XKRX: variants seen among roughly 807,000 people sequenced by gnomAD.
The protein encoded by XKRX is XK-related protein 2.
Under a neutral mutation model 22.4 loss-of-function variants are expected in XKRX, and 11 were observed. The ratio of observed to expected loss-of-function variants is 0.49; its 90% CI spans 0.31 to 0.81. The LOEUF is 0.81. XKRX is among the 40% of genes least tolerant of loss of function. The probability of loss-of-function intolerance (pLI) is 0.05; values close to 1 mark genes in which losing one functional copy is unlikely to be tolerated. For synonymous variants in XKRX, 114 were observed against 132.2 expected (o/e 0.86, Z 0.94); for missense variants, 320 against 336.5 (o/e 0.95, Z 0.38).
the XKRX span, among the ~76,000 whole-genome samples, chrX:100,898,786 AATCTACAAGGCTTGG>A: frequency 6.4e-5 from 7 of 109,858 alleles, no homozygotes; most frequent in East Asian, 2.0e-3. Flanking sequence ...AAAAAGAGCC[AATCTACAAGGCTTGG>A]AAGAGCATTA....
rs745405207 is a variant in XKRX at position 100,917,634 on chromosome X, G to GAAGAAAGAAAGAAAGA, written c.605-2567_605-2552dup. Among the ~76,000 whole-genome samples, 81 of 49,026 alleles carry GAAGAAAGAAAGAAAGA rather than the reference G, an allele frequency of 1.7e-3. 2 individuals are homozygous for GAAGAAAGAAAGAAAGA. The highest frequency in any genetic ancestry group is 7.2e-3 in the African/African-American group (65 of 9,001). The allele number at this position is 49,026 out of a possible 115,157, so 42.6% of individuals were successfully genotyped here. On this transcript the variant is annotated intron_variant, in intron 2 of 2. Transcript: ENST00000372956. ...AAAGAGAGAAAGAAAGAGAAAGAAA[G>GAAGAAAGAAAGAAAGA]AAGAAAGAAAGAAAGAAAGAAAGAA... is the stretch of plus-strand genomic sequence containing the variant.
At chrX:100,900,827 T>C in the XKRX span, among the ~76,000 whole-genome samples, 1 of 100,924 alleles carries the variant, frequency 9.9e-6, no homozygotes, top group African/African-American at 3.7e-5. Flanking sequence ...TCTTGTTCTG[T>C]CGCCTAGGCT....
the XKRX span, among the ~76,000 whole-genome samples, chrX:100,945,247 TACAC>T: frequency 0.022 from 1,243 of 55,316 alleles, 13 homozygotes; most frequent in African/African-American, 0.054. Flanking sequence ...ACCTGGGTGA[TACAC>T]ACACACACAC....
the XKRX span, among the ~76,000 whole-genome samples, chrX:100,942,576 C>A: frequency 8.9e-6 from 1 of 111,840 alleles, no homozygotes; most frequent in Non-Finnish European, 1.9e-5. Context: ...TTATCCTATA[C>A]CCTGTAGACC....
chrX:100,952,656 C>A, the XKRX span, among the ~76,000 whole-genome samples: 1 of 111,263 alleles, frequency 9.0e-6, no homozygotes, highest in Non-Finnish European at 1.9e-5. Context: ...CAAAAAAAAC[C>A]CTACTGATAC....
At position 100,928,700 on chromosome X, in the gene XKRX, A is replaced by G. The variant is rs998717862; in HGVS notation, c.-396T>C. 5.6e-5 allele frequency: 44 copies of G among 782,867 alleles called. No homozygotes were observed. The highest frequency in any genetic ancestry group is 6.7e-5 in the Non-Finnish European group (44 of 659,487). The allele number at this position is 782,867 out of a possible 1,213,427, so 64.5% of individuals were successfully genotyped here. A position where few individuals can be genotyped will look rare whatever the true frequency, so the allele number is the denominator to read the frequency against. Reference sequence around the variant, plus strand: ...TTTCGCAGCCCCTCAGGCAGGGTGTAGCCGATCTGTCGGGGGCACCGACAC... The same window carrying G: ...TTTCGCAGCCCCTCAGGCAGGGTGTGGCCGATCTGTCGGGGGCACCGACAC... On this transcript the variant is annotated 5_prime_UTR_variant, in exon 1 of 3. Transcript: ENST00000372956.
the XKRX span, among the ~76,000 whole-genome samples, chrX:100,893,804 G>T: frequency 4.5e-5 from 5 of 111,415 alleles, no homozygotes; most frequent in Non-Finnish European, 9.4e-5. Flanking sequence ...AGACTCTGGG[G>T]ACTCCAAAGG....
downstream of XKRX, chrX:100,910,937 A>G (rs1488338699): frequency 1.8e-5 from 10 of 566,452 alleles, no homozygotes; most frequent in Non-Finnish European, 2.8e-5. Flanking sequence ...CAAACACAAG[A>G]ATAATGAAAA....
intron 1 of XKRX, 126 bp downstream of exon 1, chrX:100,927,844 C>A: frequency 1.1e-6 from 1 of 879,765 alleles, no homozygotes; most frequent in Non-Finnish European, 1.6e-6. Context: ...ACAGGGAAGC[C>A]GAGAGTGGGA....
At chrX:100,921,732 T>G (rs1288531864) in intron 2 of XKRX, among the ~76,000 whole-genome samples, 1 of 110,334 alleles carries the variant, frequency 9.1e-6, no homozygotes, top group Non-Finnish European at 1.9e-5. Flanking sequence ...AGTGGGAAAT[T>G]AGGTCAGTGA....
At chrX:100,937,406 C>T in the XKRX span, among the ~76,000 whole-genome samples, 1 of 111,955 alleles carries the variant, frequency 8.9e-6, no homozygotes. Flanking sequence ...GACTTGTGAC[C>T]ATCTCCCCAG....
chrX:100,909,902 CAAAAAAAAAAAAAAAA>C (rs5903174), downstream of XKRX, among the ~76,000 whole-genome samples: 16 of 34,528 alleles, frequency 4.6e-4, no homozygotes, highest in Non-Finnish European at 7.7e-4. Flanking sequence ...GACTCCATCT[CAAAAAAAAAAAAAAAA>C]AAAAAAAAAA....
the XKRX span, among the ~76,000 whole-genome samples, chrX:100,899,417 A>AG: frequency 8.9e-6 from 1 of 112,123 alleles, no homozygotes; most frequent in Non-Finnish European, 1.9e-5. Flanking sequence ...TGAGAGGTTG[A>AG]GGGGGGAGGA....
the XKRX span, among the ~76,000 whole-genome samples, chrX:100,936,540 C>CAAAAAAA: frequency 4.3e-4 from 11 of 25,405 alleles, no homozygotes; most frequent in Non-Finnish European, 5.6e-4. Context: ...GACTCTGTCT[C>CAAAAAAA]AAAAAAAAAA....
At chrX:100,907,749 T>G in the XKRX span, among the ~76,000 whole-genome samples, 1 of 112,290 alleles carries the variant, frequency 8.9e-6, no homozygotes, top group African/African-American at 3.2e-5. Flanking sequence ...ACACAATGCA[T>G]GTCAATTTAA....
the XKRX span, among the ~76,000 whole-genome samples, chrX:100,907,096 ATTATTCTTCCCGTC>A: frequency 8.9e-6 from 1 of 111,948 alleles, no homozygotes; most frequent in Admixed American, 9.5e-5. Context: ...AGGGGTAGTC[ATTATTCTTCCCGTC>A]TTACTCTTGC....
At chrX:100,945,806 CAAAAAAAAAAAA>C in the XKRX span, among the ~76,000 whole-genome samples, 3 of 31,852 alleles carry the variant, frequency 9.4e-5, no homozygotes, top group South Asian at 2.9e-3. Context: ...ATTCTGTCTC[CAAAAAAAAAAAA>C]AAAAAAAAAA....
chrX:100,893,905 C>T, the XKRX span, among the ~76,000 whole-genome samples: 2 of 112,171 alleles, frequency 1.8e-5, no homozygotes, highest in African/African-American at 3.2e-5. Flanking sequence ...AAGCCCAGTC[C>T]TCACCATTAC....
chrX:100,910,655 A>C, downstream of XKRX: 1 of 391,962 alleles, frequency 2.6e-6, no homozygotes, highest in East Asian at 4.3e-5. Context: ...AGACCTGAAA[A>C]TTGAGAGCAT....
Sources: gnomAD v4.1 joint callset for allele counts (sites outside exome capture counted in the v4.1 genomes callset) on GRCh38, gnomAD v4.1.1 for gene constraint, MANE v1.5 for transcripts, NCBI Gene and HGNC (gene_info 2026-07-23, HGNC 2026-07-21) for gene names.